USP47: variants seen among roughly 807,000 people sequenced by gnomAD.
USP47 encodes ubiquitin carboxyl-terminal hydrolase 47.
Under a neutral mutation model 165.1 loss-of-function variants are expected in USP47, and 35 were observed. The observed-to-expected ratio is 0.21, with a 90% CI of 0.16 to 0.28. The LOEUF (loss-of-function observed/expected upper bound fraction) is 0.28, where lower values mean the gene tolerates loss of function less well. Ranked by LOEUF, USP47 falls within the 10% of genes least tolerant of loss-of-function variation. The pLI is 1.00. For synonymous variants in USP47, 531 were observed against 544.5 expected, an observed-to-expected ratio of 0.98 and a Z score of 0.35; for missense variants, 1,277 against 1,607.4, an observed-to-expected ratio of 0.79 and a Z score of 3.52.
chr11:11,892,136 T>C, intron 4 of USP47, 30 bp downstream of exon 4: 1 of 1,601,864 alleles, frequency 6.2e-7, no homozygotes, highest in Non-Finnish European at 8.5e-7. Context: ...CATAAAATCA[T>C]AGGGCATTAG....
intron 14 of USP47, among the ~76,000 whole-genome samples, chr11:11,932,718 A>G (rs1355656164): frequency 6.6e-6 from 1 of 152,118 alleles, no homozygotes; most frequent in Non-Finnish European, 1.5e-5. Context: ...GAGCTTTTTC[A>G]TTCTAAAATA....
chr11:11,955,754 G>A (rs1173388924), intron 27 of USP47, among the ~76,000 whole-genome samples: 2 of 152,230 alleles, frequency 1.3e-5, no homozygotes, highest in Non-Finnish European at 2.9e-5. Context: ...TATTATAGAT[G>A]TTCAATAATG....
intron 11 of USP47, among the ~76,000 whole-genome samples, chr11:11,925,574 A>G (rs1854178329): frequency 6.6e-6 from 1 of 150,994 alleles, no homozygotes; most frequent in Non-Finnish European, 1.5e-5. Context: ...TAGAAATGCA[A>G]CAGATTTGTG....
chr11:11,938,069 G>A (rs1047026985), intron 17 of USP47, among the ~76,000 whole-genome samples, 188 bp from the exon 18 acceptor site: 14 of 151,958 alleles, frequency 9.2e-5, no homozygotes, highest in African/African-American at 3.1e-4. Context: ...AAGCAAGCAG[G>A]AGTGCTGTGT....
chr11:11,870,848 C>T (rs983081745), intron 1 of USP47, among the ~76,000 whole-genome samples: 1 of 152,130 alleles, frequency 6.6e-6, no homozygotes, highest in Admixed American at 6.5e-5. Flanking sequence ...TCAGTGCTTA[C>T]ATTTGTTAAT....
At chr11:11,940,180 C>G (rs932556848) in intron 18 of USP47, among the ~76,000 whole-genome samples, 2 of 151,954 alleles carry the variant, frequency 1.3e-5, no homozygotes, top group Non-Finnish European at 2.9e-5. Flanking sequence ...AGGAAAAAAT[C>G]CTTACCTTTA....
At chr11:11,842,472 G>C (rs1848184271) in intron 1 of USP47, among the ~76,000 whole-genome samples, 2 of 152,236 alleles carry the variant, frequency 1.3e-5, no homozygotes, top group South Asian at 4.1e-4. Context: ...GGAGCGGACG[G>C]GAAAGAATCA....
chr11:11,959,105 A>G lies in USP47; in HGVS notation c.*2930A>G, dbSNP rs969597246. ...ATTGCAGTGTTGTTACTAAATCTGG[A>G]AGTGACCTGTGAATGTATGGAATAC... On this transcript the variant is annotated 3_prime_UTR_variant, in exon 28 of 28. Coordinates refer to ENST00000527733, the MANE Select transcript of USP47 (RefSeq NM_001282659.2). 1 of 152,200 alleles carries G rather than the reference A, an allele frequency of 6.6e-6. No homozygotes were observed. Among genetic ancestry groups the G allele is most frequent in the African/African-American group, 2.4e-5 (1 of 41,446 alleles). The allele number at this position is 152,200 out of a possible 1,614,324, so 9.4% of individuals were successfully genotyped here. A position where few individuals can be genotyped will look rare whatever the true frequency, so the allele number is the denominator to read the frequency against.
chr11:11,842,051 G>C lies in USP47; in HGVS notation c.-135G>C, dbSNP rs1848148983. 8.7e-7 allele frequency: 1 copy of C among 1,142,938 alleles called. No homozygotes were observed. The highest frequency in any genetic ancestry group is 1.2e-6 in the Non-Finnish European group (1 of 807,494). 70.8% of individuals were successfully genotyped at this position (1,142,938 alleles called of 1,614,324 possible). The stretch of plus-strand genomic sequence containing the variant: ...CTGCGCGCTGGTGTCTGAGGCCCAG[G>C]CTGAGGCCTCCGCTATTGCTGGAGC... On this transcript the variant is annotated 5_prime_UTR_variant, in exon 1 of 28. Coordinates refer to ENST00000527733, the MANE Select transcript of USP47 (RefSeq NM_001282659.2).
intron 8 of USP47, 111 bp from the exon 9 acceptor site, chr11:11,920,045 A>G: frequency 1.3e-6 from 1 of 758,638 alleles, no homozygotes; most frequent in Non-Finnish European, 1.9e-6. Flanking sequence ...GAGTTCCTAA[A>G]TTTCTAACCA....
chr11:11,937,983 T>G (rs1056900949), intron 17 of USP47, among the ~76,000 whole-genome samples: 2 of 151,998 alleles, frequency 1.3e-5, no homozygotes, highest in African/African-American at 2.4e-5. Context: ...GGAATTTTCC[T>G]TGGGATATAG....
intron 1 of USP47, among the ~76,000 whole-genome samples, chr11:11,877,838 TGTGTGTGTGTGTGTGTGTGTGCGCGCGC>T (rs371292218): frequency 0.04 from 3,899 of 97,076 alleles, 180 homozygotes; most frequent in African/African-American, 0.13. Context: ...TGTGTGTGTG[TGTGTGTGTGTGTGTGTGTGTGCGCGCGC>T]GCAGATAAGA....
At chr11:11,867,553 A>G (rs1564856501) in intron 1 of USP47, among the ~76,000 whole-genome samples, 3 of 152,092 alleles carry the variant, frequency 2.0e-5, no homozygotes, top group East Asian at 1.9e-4. Flanking sequence ...CTCAGACTCA[A>G]TTTTGAACCA....
chr11:11,946,687 G>T (rs113075441), intron 20 of USP47, among the ~76,000 whole-genome samples: 1 of 152,094 alleles, frequency 6.6e-6, no homozygotes, highest in Non-Finnish European at 1.5e-5. Context: ...ACAGAAGCTT[G>T]TTTGCCATAA....
chr11:11,948,246 T>A, intron 21 of USP47, 126 bp downstream of exon 21: 1 of 1,146,006 alleles, frequency 8.7e-7, no homozygotes, highest in Non-Finnish European at 1.2e-6. Context: ...TGATTAATGG[T>A]AATTTGGGGG....
At chr11:11,869,659 G>A (rs1054027013) in intron 1 of USP47, among the ~76,000 whole-genome samples, 4 of 152,094 alleles carry the variant, frequency 2.6e-5, no homozygotes, top group African/African-American at 7.2e-5. Context: ...GATAGGATTT[G>A]CATCAAACTT....
At chr11:11,932,930 G>T in intron 14 of USP47, 74 bp from the exon 15 acceptor site, 1 of 1,063,068 alleles carries the variant, frequency 9.4e-7, no homozygotes, top group Non-Finnish European at 1.4e-6. Flanking sequence ...TACCATGAGA[G>T]CATAGTGAAG....
At chr11:11,842,357 G>C in intron 1 of USP47, 133 bp downstream of exon 1, 2 of 1,032,990 alleles carry the variant, frequency 1.9e-6, no homozygotes, top group Non-Finnish European at 2.8e-6. Flanking sequence ...GCGTGAGGCA[G>C]TCGGGGGTGG....
At chr11:11,908,628 T>C (rs1217532304) in intron 8 of USP47, among the ~76,000 whole-genome samples, 1 of 152,100 alleles carries the variant, frequency 6.6e-6, no homozygotes, top group Non-Finnish European at 1.5e-5. Context: ...TAACAGGTTA[T>C]TTTTATAATG....
Sources: gnomAD v4.1 joint callset for allele counts (sites outside exome capture counted in the v4.1 genomes callset) on GRCh38, gnomAD v4.1.1 for gene constraint, MANE v1.5 for transcripts, NCBI Gene and HGNC (gene_info 2026-07-23, HGNC 2026-07-21) for gene names.